MSH3: variants seen among roughly 807,000 people sequenced by gnomAD.
MSH3 encodes the protein DNA mismatch repair protein Msh3.
In MSH3, 106 loss-of-function variants were observed where a neutral mutation model predicts 123.3. That is an observed-to-expected ratio of 0.86 (90% confidence interval 0.73 to 1.01). MSH3 has a LOEUF of 1.01. Ranked by LOEUF, MSH3 falls within the 50% of genes least tolerant of loss-of-function variation. MSH3 has a pLI of 0.00. For missense variants in MSH3, 1,459 were observed against 1,347.6 expected, an observed-to-expected ratio of 1.08 and a Z score of -1.29; for synonymous variants, 515 against 481.4, an observed-to-expected ratio of 1.07 and a Z score of -0.91.
intron 20 of MSH3, among the ~76,000 whole-genome samples, chr5:80,841,496 G>A (rs1269120915): frequency 6.6e-6 from 1 of 152,184 alleles, no homozygotes; most frequent in Non-Finnish European, 1.5e-5. Flanking sequence ...TTCCACAATG[G>A]TTGAACTAGT....
At chr5:80,765,703 A>G (rs998438003) in intron 13 of MSH3, among the ~76,000 whole-genome samples, 21 of 152,076 alleles carry the variant, frequency 1.4e-4, no homozygotes, top group African/African-American at 5.1e-4. Flanking sequence ...TTGTCCCCAT[A>G]TCTGTTGTAT....
At chr5:80,661,048 C>T (rs764599902) in intron 2 of MSH3, among the ~76,000 whole-genome samples, 5 of 152,150 alleles carry the variant, frequency 3.3e-5, no homozygotes, top group East Asian at 1.9e-4. Context: ...CTACCCGCCT[C>T]GGCCTCCCAA....
At chr5:80,760,182 A>G (rs1744006638) in intron 12 of MSH3, among the ~76,000 whole-genome samples, 2 of 152,214 alleles carry the variant, frequency 1.3e-5, no homozygotes. Context: ...CCAAAACATC[A>G]GTTCATTCTT....
At position 80,741,559 on chromosome 5, in the gene MSH3, T is replaced by C; in HGVS notation, c.1653+11T>C. 1 of 1,573,398 alleles carries C rather than the reference T, an allele frequency of 6.4e-7. No individual in the cohort carries two copies. The highest frequency in any genetic ancestry group is 8.7e-7 in the Non-Finnish European group (1 of 1,142,906). ...ATCCTACAGAATCAGGTCAGGCAAATACAAGGGCTAGTTGATTATAAATCG... is the reference window on the plus strand; with the variant it reads ...ATCCTACAGAATCAGGTCAGGCAAACACAAGGGCTAGTTGATTATAAATCG... On this transcript the variant is annotated intron_variant, in intron 11 of 23. Transcript: ENST00000265081.
chr5:80,791,192 G>A (rs1744600627), intron 18 of MSH3, among the ~76,000 whole-genome samples: 1 of 152,096 alleles, frequency 6.6e-6, no homozygotes, highest in Non-Finnish European at 1.5e-5. Flanking sequence ...GAGATTGAAA[G>A]GATATAGATG....
chr5:80,792,060 A>G (rs1001556049), intron 18 of MSH3, among the ~76,000 whole-genome samples: 9 of 152,258 alleles, frequency 5.9e-5, no homozygotes, highest in African/African-American at 2.2e-4. Context: ...TGAACAGCGT[A>G]TGAAAATTTT....
At chr5:80,834,656 A>G (rs1377526658) in intron 20 of MSH3, among the ~76,000 whole-genome samples, 6 of 148,218 alleles carry the variant, frequency 4.0e-5, no homozygotes, top group African/African-American at 1.5e-4. Context: ...TACTTAAAAT[A>G]TATATAAATA....
In MSH3 at chr5:80,775,741, T is replaced by C. The variant is rs1019986901; in HGVS notation, c.2301T>C (p.Asp767=). Residue 767 remains aspartate, a synonymous_variant, in exon 16 of 24, where the codon GAT becomes GAC. Coordinates refer to ENST00000265081, the MANE Select transcript of MSH3 (RefSeq NM_002439.5). ...CTGCTGTATCTTGTATACCAACTGA[T>C]TGGGTAAAGGTTGGAAGGTAGGTTT... is the stretch of plus-strand genomic sequence containing the variant. ...KNSAVSCIPT[D]WVKVGSTKAV... 1.9e-6 allele frequency: 3 copies of C among 1,587,812 alleles called. No individual in the cohort carries two copies. The highest frequency in any genetic ancestry group is 2.6e-6 in the Non-Finnish European group (3 of 1,156,422).
intron 9 of MSH3, among the ~76,000 whole-genome samples, chr5:80,726,896 T>C (rs955225098): frequency 1.3e-5 from 2 of 152,200 alleles, no homozygotes; most frequent in Admixed American, 6.5e-5. Flanking sequence ...TTAAAAGATA[T>C]GGGCCAGAAA....
intron 8 of MSH3, among the ~76,000 whole-genome samples, chr5:80,707,255 T>A (rs567390442): frequency 6.6e-6 from 1 of 152,384 alleles, no homozygotes; most frequent in South Asian, 2.1e-4. Flanking sequence ...CATATGCATA[T>A]ACCAACATTT....
At chr5:80,777,094 G>T (rs1744320521) in intron 16 of MSH3, among the ~76,000 whole-genome samples, 1 of 151,688 alleles carries the variant, frequency 6.6e-6, no homozygotes, top group Admixed American at 6.6e-5. Flanking sequence ...ACCACAGACG[G>T]CTTTTTTTTG....
intron 23 of MSH3, 106 bp downstream of exon 23, chr5:80,873,393 C>A: frequency 1.8e-6 from 2 of 1,110,332 alleles, no homozygotes; most frequent in Non-Finnish European, 2.6e-6. Flanking sequence ...CTTTTAAGCA[C>A]CTCTTCAAAT....
intron 19 of MSH3, among the ~76,000 whole-genome samples, chr5:80,803,801 A>G (rs975991763): frequency 6.6e-6 from 1 of 151,950 alleles, no homozygotes; most frequent in Non-Finnish European, 1.5e-5. Context: ...ATATGGGGGT[A>G]TTGAAGAGAC....
At chr5:80,873,002 G>A (rs2112128357) in intron 22 of MSH3, 114 bp from the exon 23 acceptor site, 1 of 956,816 alleles carries the variant, frequency 1.0e-6, no homozygotes, top group South Asian at 1.4e-5. Context: ...AGTAGGAACA[G>A]TGATTTCAGA....
At chr5:80,850,221 T>C (rs1054206169) in intron 20 of MSH3, among the ~76,000 whole-genome samples, 1 of 152,208 alleles carries the variant, frequency 6.6e-6, no homozygotes. Flanking sequence ...AGCATTTTTG[T>C]CAAAGCCATT....
chr5:80,787,914 C>T lies in MSH3; in HGVS notation c.2543+242C>T, dbSNP rs190398867. Among the ~76,000 whole-genome samples the T allele has an allele frequency of 1.3e-3, 191 of 152,232 alleles. 2 individuals are homozygous for T. The highest frequency in any genetic ancestry group is 4.5e-3 in the African/African-American group (186 of 41,538). On this transcript the variant is annotated intron_variant, in intron 18 of 23. Coordinates refer to ENST00000265081, the MANE Select transcript of MSH3 (RefSeq NM_002439.5). ...TGTGGGTGACATTTTTATAAAGTTT[C>T]AGCACTCTTTTCATTTGTTAGCTTT... is the stretch of plus-strand genomic sequence containing the variant.
chr5:80,833,523 A>G lies in MSH3; in HGVS notation c.2813+19782A>G, dbSNP rs372739063. 9.2e-5 allele frequency among the ~76,000 whole-genome samples: 14 copies of G among 152,208 alleles called. 1 individual carries two copies. Among genetic ancestry groups the G allele is most frequent in the African/African-American group, 2.9e-4 (12 of 41,528 alleles). On this transcript the variant is annotated intron_variant, in intron 20 of 23. Coordinates refer to ENST00000265081, the MANE Select transcript of MSH3 (RefSeq NM_002439.5). ...AGTGGCACCATCTCGGCTCACTGCAACCTCCACCTCCCGGGTTCAAGTGAG... is the reference window on the plus strand; with the variant it reads ...AGTGGCACCATCTCGGCTCACTGCAGCCTCCACCTCCCGGGTTCAAGTGAG...
At chr5:80,781,987 T>TA (rs1744418051) in intron 17 of MSH3, among the ~76,000 whole-genome samples, 2 of 152,344 alleles carry the variant, frequency 1.3e-5, no homozygotes, top group East Asian at 1.9e-4. Context: ...AAAGTAAAAG[T>TA]ATGATACAGT....
intron 2 of MSH3, among the ~76,000 whole-genome samples, chr5:80,664,488 TC>T (rs1749519432): frequency 6.6e-6 from 1 of 152,076 alleles, no homozygotes; most frequent in Non-Finnish European, 1.5e-5. Flanking sequence ...TTCCTAATCG[TC>T]CTTCTGGGTT....
Sources: gnomAD v4.1 joint callset for allele counts (sites outside exome capture counted in the v4.1 genomes callset) on GRCh38, gnomAD v4.1.1 for gene constraint, MANE v1.5 for transcripts, NCBI Gene and HGNC (gene_info 2026-07-23, HGNC 2026-07-21) for gene names.